The following DDX60 variants were observed in gnomAD, a reference collection of about 807,000 sequenced individuals.
The protein encoded by DDX60 is probable ATP-dependent RNA helicase DDX60.
DDX60 carries 165 observed loss-of-function variants against 212.8 expected under a neutral mutation model. That is an observed-to-expected ratio of 0.78 (90% CI 0.68 to 0.88). The LOEUF (loss-of-function observed/expected upper bound fraction) is 0.88. Ranked by LOEUF, DDX60 falls within the 40% of genes least tolerant of loss-of-function variation. The pLI is 0.00. For missense variants in DDX60, 1,905 were observed against 2,003.9 expected (o/e 0.95, Z 0.94); for synonymous variants, 703 against 685.3 (o/e 1.03, Z -0.40).
chr4:168,255,647 T>C, intron 26 of DDX60, 64 bp downstream of exon 26: 3 of 1,358,934 alleles, frequency 2.2e-6, no homozygotes, highest in Non-Finnish European at 3.0e-6. Context: ...AATTTACGTT[T>C]CCTACTAGGA....
At chr4:168,278,656 C>G (rs1359920174) in intron 14 of DDX60, among the ~76,000 whole-genome samples, 1 of 152,114 alleles carries the variant, frequency 6.6e-6, no homozygotes, top group African/African-American at 2.4e-5. Context: ...TGGTGAAATC[C>G]CATCTCTAGT....
chr4:168,236,550 A>G (rs945067894), intron 32 of DDX60, among the ~76,000 whole-genome samples, 177 bp from the exon 33 acceptor site: 1 of 151,886 alleles, frequency 6.6e-6, no homozygotes, highest in Admixed American at 6.6e-5. Context: ...CTTCTTTTTC[A>G]TCCTTGCTAC....
In DDX60 at chr4:168,216,992, C is replaced by T. The variant is rs537859190; in HGVS notation, c.5080G>A (p.Val1694Ile). ...RELCENEDDN[V>I]VLAFEQLSTT... is the part of the protein sequence containing the mutation. ...CTCAGTTGTTCAAAGGCTAAGACAA[C>T]GTTGTCGTCTTCATTTTCACATAGC... The change falls in exon 38 of 38, where the codon GTT becomes ATT. Residue 1694 changes from valine to isoleucine, a missense_variant. Physicochemically the swap from Val to Ile is conservative, Grantham distance 29 (BLOSUM62 3). Transcript: ENST00000393743. The T allele has an allele frequency of 2.5e-5, 40 of 1,604,662 alleles. No homozygotes were observed. Among genetic ancestry groups the T allele is most frequent in the South Asian group, 2.5e-4 (22 of 88,490 alleles).
intron 28 of DDX60, among the ~76,000 whole-genome samples, chr4:168,249,674 T>G (rs2149504001): frequency 6.6e-6 from 1 of 152,322 alleles, no homozygotes; most frequent in South Asian, 2.1e-4. Context: ...AATACCCTGA[T>G]CAAAATAGGT....
rs11942450 is a variant in DDX60 at position 168,280,375 on chromosome 4, A to C, written c.1938T>G (p.Ala646=). ...KLQVEMVGLT[A]CLKAWKEHCR... ...AATGTTCTTTCCAGGCTTTCAAGCA[A>C]GCAGTTAACCCCACCATTTCAACCT... The change falls in exon 14 of 38, where the codon GCT becomes GCG. Residue 646 remains alanine, a synonymous_variant. Coordinates refer to ENST00000393743, the MANE Select transcript of DDX60 (RefSeq NM_017631.6). 5,845 of 1,613,808 alleles carry C rather than the reference A, an allele frequency of 3.6e-3. 215 individuals are homozygous for C. In the African/African-American group the frequency reaches 0.069, roughly 19 times the overall value.
Position 168,225,590 on chromosome 4 carries a change from T to C in DDX60, c.4620A>G (p.Leu1540=). The change falls in exon 34 of 38, where the codon CTA becomes CTG. Residue 1540 remains leucine, a synonymous_variant. Coordinates refer to ENST00000393743, the MANE Select transcript of DDX60 (RefSeq NM_017631.6). ...TATCAGCCAGTTTGGAAACAATTCGTAGGAAAGTGGTAAAGTCCTCCATAA... is the reference window on the plus strand; with the variant it reads ...TATCAGCCAGTTTGGAAACAATTCGCAGGAAAGTGGTAAAGTCCTCCATAA... ...MKIMEDFTTF[L]RIVSKLADMN... The C allele has an allele frequency of 6.2e-7, 1 of 1,611,706 alleles. No individual in the cohort carries two copies. The highest frequency in any genetic ancestry group is 8.5e-7 in the Non-Finnish European group (1 of 1,178,858).
Position 168,237,718 on chromosome 4 carries a change from C to G in DDX60, c.4242G>C (p.Leu1414=), listed in dbSNP as rs200068951. The G allele has an allele frequency of 1.3e-5, 21 of 1,611,342 alleles. No individual in the cohort carries two copies. Among genetic ancestry groups the G allele is most frequent in the Non-Finnish European group, 1.7e-5 (20 of 1,178,792 alleles). ...CTTTCACCAGGAACTGCAAAGAAAA[C>G]AGGAAGTAAAGTTTTAACATGTCCA... ...RVMDMLKLYF[L]FSLQFLVKEG... Residue 1414 remains leucine, a synonymous_variant, in exon 31 of 38, where the codon CTG becomes CTC. Transcript: ENST00000393743.
chr4:168,276,184 T>C lies in DDX60; in HGVS notation c.1979-3A>G, dbSNP rs1401864385. 1 of 1,594,276 alleles carries C rather than the reference T, an allele frequency of 6.3e-7. No homozygotes were observed. The highest frequency in any genetic ancestry group is 2.2e-5 in the East Asian group (1 of 44,492). On this transcript the variant is annotated splice_region_variant and splice_polypyrimidine_tract_variant and intron_variant, in intron 14 of 37. Transcript: ENST00000393743. Reference sequence around the variant, plus strand: ...ACTTAAATCTTTCGTGGTTTTACCTTGATAAACAATAAACAATAAAATTGT... The same window carrying C: ...ACTTAAATCTTTCGTGGTTTTACCTCGATAAACAATAAACAATAAAATTGT...
chr4:168,255,716 C>A lies in DDX60; in HGVS notation c.3552G>T (p.Lys1184Asn). 1 of 1,586,600 alleles carries A rather than the reference C, an allele frequency of 6.3e-7. No homozygotes were observed. Among genetic ancestry groups the A allele is most frequent in the Non-Finnish European group, 8.5e-7 (1 of 1,172,698 alleles). ...RKVKKSIEKQ[K>N]IIDEKSQKKT... ...TTGTTTAGTTAACTACTTACATGAT[C>A]TTTTGTTTCTCTATGGATTTTTTAA... The change falls in exon 26 of 38, where the codon AAG becomes AAT. Residue 1184 changes from lysine to asparagine, a missense_variant. Transcript: ENST00000393743.
intron 28 of DDX60, among the ~76,000 whole-genome samples, chr4:168,248,740 A>G (rs11132131): frequency 0.065 from 9,866 of 151,960 alleles, 462 homozygotes; most frequent in East Asian, 0.15. Flanking sequence ...AGAGTACCTG[A>G]CAACTGATAG....
intron 37 of DDX60, among the ~76,000 whole-genome samples, chr4:168,218,180 C>A (rs773184636): frequency 2.6e-5 from 4 of 152,130 alleles, no homozygotes; most frequent in Non-Finnish European, 5.9e-5. Flanking sequence ...TTGATCAGTT[C>A]TGTCTCTACA....
chr4:168,252,536 A>T lies in DDX60; in HGVS notation c.3678T>A (p.Tyr1226Ter), dbSNP rs1231816170. 1 of 1,613,892 alleles carries T rather than the reference A, an allele frequency of 6.2e-7. No homozygotes were observed. The highest frequency in any genetic ancestry group is 8.5e-7 in the Non-Finnish European group (1 of 1,179,962). ...KNLEIPQDCT[Y>*]ADQKAVDTET... is the part of the protein sequence containing the mutation. ...CAGTGTCCACTGCTTTTTGATCAGCATATGTGCAGTCCTGTGGGATTTCCA... is the reference window on the plus strand; with the variant it reads ...CAGTGTCCACTGCTTTTTGATCAGCTTATGTGCAGTCCTGTGGGATTTCCA... Residue 1226 changes from tyrosine to a stop codon, truncating the protein, a stop_gained, in exon 27 of 38, where the codon TAT becomes TAA. Coordinates refer to ENST00000393743, the MANE Select transcript of DDX60 (RefSeq NM_017631.6). LOFTEE classifies it high-confidence loss of function.
At position 168,237,787 on chromosome 4, in the gene DDX60, T is replaced by A; in HGVS notation, c.4173A>T (p.Ser1391=). Residue 1391 remains serine (S), a synonymous_variant, in exon 31 of 38, where the codon TCA becomes TCT. Transcript: ENST00000393743. The part of the protein sequence containing the change: ...DPEDAKAKVL[S]VLKHSLLSFK... ...AGGACAGCAATGAATGCTTTAGCACTGATAGCACCTTTAAAGAAAAGAGTA... is the reference window on the plus strand; with the variant it reads ...AGGACAGCAATGAATGCTTTAGCACAGATAGCACCTTTAAAGAAAAGAGTA... 1.9e-6 allele frequency: 3 copies of A among 1,600,836 alleles called. No homozygotes were observed. The highest frequency in any genetic ancestry group is 1.1e-5 in the South Asian group (1 of 88,366).
intron 30 of DDX60, among the ~76,000 whole-genome samples, chr4:168,242,795 T>C (rs561957006): frequency 2.6e-4 from 40 of 152,180 alleles, no homozygotes; most frequent in African/African-American, 8.9e-4. Flanking sequence ...AAAGGCATGA[T>C]TGGTTTTGAA....
chr4:168,312,538 G>T (rs950589963), intron 1 of DDX60, among the ~76,000 whole-genome samples: 2 of 152,014 alleles, frequency 1.3e-5, no homozygotes, highest in Non-Finnish European at 2.9e-5. Context: ...ATCCACAAAG[G>T]TAATAGAGAA....
At chr4:168,311,432 A>ATT in intron 1 of DDX60, 67 bp from the exon 2 acceptor site, 1 of 601,300 alleles carries the variant, frequency 1.7e-6, no homozygotes, top group Non-Finnish European at 2.9e-6. Flanking sequence ...ACTATATGTA[A>ATT]AGCAAAATAT....
intron 12 of DDX60, among the ~76,000 whole-genome samples, chr4:168,284,492 TCAAA>T (rs1735733184): frequency 6.6e-6 from 1 of 152,218 alleles, no homozygotes; most frequent in African/African-American, 2.4e-5. Context: ...TCGGGTGTTA[TCAAA>T]CAGTTAAAAT....
At chr4:168,239,353 A>G (rs1326333246) in intron 30 of DDX60, among the ~76,000 whole-genome samples, 2 of 151,504 alleles carry the variant, frequency 1.3e-5, no homozygotes, top group Non-Finnish European at 2.9e-5. Context: ...TAGATAGCAG[A>G]TAGCAGAGAG....
intron 30 of DDX60, among the ~76,000 whole-genome samples, chr4:168,238,420 GAGGGAAGGGAAGGGAAGGGA>G (rs36223019): frequency 0.039 from 2,314 of 59,832 alleles, 151 homozygotes; most frequent in African/African-American, 0.12. Context: ...GAGGAGAGGG[GAGGGAAGGGAAGGGAAGGGA>G]AGGGAAGGGA....
Sources: allele counts gnomAD v4.1 joint callset (sites outside exome capture counted in the v4.1 genomes callset), GRCh38; gene constraint gnomAD v4.1.1; transcripts MANE v1.5; gene names NCBI Gene and HGNC (gene_info 2026-07-23, HGNC 2026-07-21).